Variants in NRXN1 observed in about 807,000 individuals in gnomAD.
The protein encoded by NRXN1 is neurexin 1, also known as neurexin-1.
In NRXN1, 39 loss-of-function variants were observed where a neutral mutation model predicts 150.9. The observed-to-expected ratio is 0.26, with a 90% CI of 0.20 to 0.34. The LOEUF (loss-of-function observed/expected upper bound fraction) is 0.34, where lower values mean the gene tolerates loss of function less well. NRXN1 is among the 10% of genes least tolerant of loss of function. NRXN1 has a pLI of 1.00. For missense variants in NRXN1, 1,815 were observed against 1,949.9 expected (o/e 0.93, Z 1.30); for synonymous variants, 924 against 757.0 (o/e 1.22, Z -3.62).
intron 8 of NRXN1, among the ~76,000 whole-genome samples, chr2:50,602,036 G>A (rs772754032): frequency 2.0e-5 from 3 of 152,114 alleles, no homozygotes; most frequent in Non-Finnish European, 4.4e-5. Context: ...GGTGAAACAT[G>A]TCCCTTCAGT....
chr2:50,053,748 A>G (rs1230961818), intron 20 of NRXN1, among the ~76,000 whole-genome samples, 158 bp from the exon 21 acceptor site: 1 of 152,216 alleles, frequency 6.6e-6, no homozygotes, highest in Non-Finnish European at 1.5e-5. Context: ...TGAGGTGTCC[A>G]TGAAATGCAT....
In NRXN1 at chr2:49,921,974, C is replaced by A; in HGVS notation, c.4494G>T (p.Lys1498Asn). ...PSSAKSSNKN[K>N]KNKDKEYYV ...CATAATACTCTTTATCCTTGTTTTT[C>A]TTATTTTTGTTGGAGCTTTTCGCAC... The change falls in exon 23 of 23, where the codon AAG (lysine) becomes AAT (asparagine). Residue 1498 changes from lysine (K) to asparagine (N), a missense_variant. Coordinates refer to ENST00000401669, the MANE Select transcript of NRXN1 (RefSeq NM_001330078.2). The A allele has an allele frequency of 6.2e-7, 1 of 1,613,952 alleles. No homozygotes were observed.
In NRXN1 at chr2:50,275,067, A is replaced by G. The variant is rs1351116335; in HGVS notation, c.3365-38097T>C. Among the ~76,000 whole-genome samples, 3 of 152,208 alleles carry G rather than the reference A, an allele frequency of 2.0e-5. No individual in the cohort carries two copies. In the East Asian group the frequency reaches 5.8e-4, roughly 29 times the overall value. Reference sequence around the variant, plus strand: ...ATAAAAACAGATACTTTAAACACCAAGAATATCATCACTCCATTTGTTCTG... The same window carrying G: ...ATAAAAACAGATACTTTAAACACCAGGAATATCATCACTCCATTTGTTCTG... On this transcript the variant is annotated intron_variant, in intron 17 of 22. Transcript: ENST00000401669.
chr2:50,070,943 C>T (rs1458830694), intron 19 of NRXN1, among the ~76,000 whole-genome samples: 2 of 152,126 alleles, frequency 1.3e-5, no homozygotes, highest in African/African-American at 2.4e-5. Flanking sequence ...TTCAGTATTT[C>T]TTCTTAAACT....
At chr2:50,378,746 T>G (rs1203950085) in intron 17 of NRXN1, among the ~76,000 whole-genome samples, 1 of 152,146 alleles carries the variant, frequency 6.6e-6, no homozygotes, top group African/African-American at 2.4e-5. Flanking sequence ...TAATGCAGTT[T>G]ATTCTGAAAA....
At chr2:50,976,144 C>T (rs1235865641) in intron 2 of NRXN1, among the ~76,000 whole-genome samples, 1 of 151,428 alleles carries the variant, frequency 6.6e-6, no homozygotes, top group African/African-American at 2.4e-5. Context: ...TCTCTATTCC[C>T]TTTAAGACAC....
chr2:49,978,764 C>CT (rs1679461921), intron 21 of NRXN1, among the ~76,000 whole-genome samples: 1 of 146,600 alleles, frequency 6.8e-6, no homozygotes, highest in African/African-American at 2.5e-5. Context: ...TTATTACAAA[C>CT]TCTATGGTGT....
At chr2:50,679,790 G>C (rs937773648) in intron 5 of NRXN1, among the ~76,000 whole-genome samples, 20 of 152,028 alleles carry the variant, frequency 1.3e-4, no homozygotes, top group African/African-American at 4.8e-4. Context: ...ATTCTTAAAG[G>C]TTTAATATCC....
chr2:49,972,866 G>A (rs1231579930), intron 21 of NRXN1: 1 of 152,038 alleles, frequency 6.6e-6, no homozygotes, highest in African/African-American at 2.4e-5. Context: ...CTTCCCTAAG[G>A]GCACCCTCCT....
chr2:50,068,893 C>T (rs374373039), intron 19 of NRXN1, among the ~76,000 whole-genome samples: 11 of 152,102 alleles, frequency 7.2e-5, no homozygotes, highest in South Asian at 2.1e-4. Flanking sequence ...AGTGATATCC[C>T]GAACGTAGGT....
chr2:50,928,064 A>G (rs1687176296), intron 2 of NRXN1, among the ~76,000 whole-genome samples: 1 of 151,942 alleles, frequency 6.6e-6, no homozygotes, highest in Non-Finnish European at 1.5e-5. Context: ...CTACTCTACC[A>G]TCTAGCATTT....
intron 2 of NRXN1, among the ~76,000 whole-genome samples, chr2:50,986,513 C>A (rs1222792038): frequency 6.6e-6 from 1 of 151,488 alleles, no homozygotes; most frequent in Non-Finnish European, 1.5e-5. Flanking sequence ...TTTGAAAACA[C>A]TGAATATTTC....
intron 8 of NRXN1, among the ~76,000 whole-genome samples, chr2:50,570,005 A>G (rs968480266): frequency 2.2e-4 from 33 of 152,324 alleles, no homozygotes; most frequent in African/African-American, 7.7e-4. Flanking sequence ...ACTGTTGCCA[A>G]TTAACGCTGC....
Position 50,399,675 on chromosome 2 carries a change from C to T in NRXN1, c.3364+65767G>A, listed in dbSNP as rs182277843. ...GTTCGTGTGGCTCTCACCACTAAGT[C>T]ATGTTGTCCAAATTGGTCTTTGTGC... On this transcript the variant is annotated intron_variant, in intron 17 of 22. Transcript: ENST00000401669. 3.7e-3 allele frequency among the ~76,000 whole-genome samples: 562 copies of T among 151,368 alleles called. 2 individuals carry two copies. Among genetic ancestry groups the T allele is most frequent in the Non-Finnish European group, 5.1e-3 (346 of 67,870 alleles).
chr2:50,240,470 T>C (rs769312529), intron 17 of NRXN1, among the ~76,000 whole-genome samples: 21 of 151,864 alleles, frequency 1.4e-4, no homozygotes, highest in Middle Eastern at 3.4e-3. Flanking sequence ...CAAAATCTCC[T>C]ATATTCTTAA....
chr2:50,992,793 G>A (rs1698731042), intron 2 of NRXN1, among the ~76,000 whole-genome samples: 1 of 151,860 alleles, frequency 6.6e-6, no homozygotes. Context: ...TGATGCATGG[G>A]GAGAGAATAG....
At chr2:50,763,454 C>T (rs1392440002) in intron 5 of NRXN1, among the ~76,000 whole-genome samples, 3 of 151,918 alleles carry the variant, frequency 2.0e-5, no homozygotes, top group African/African-American at 7.2e-5. Context: ...TAATTAATGC[C>T]TAATACTAGT....
chr2:50,029,209 G>A (rs994524101), intron 21 of NRXN1, among the ~76,000 whole-genome samples: 1 of 152,126 alleles, frequency 6.6e-6, no homozygotes, highest in African/African-American at 2.4e-5. Context: ...CAGGAAGCAG[G>A]CCCTCACCAG....
intron 5 of NRXN1, among the ~76,000 whole-genome samples, chr2:50,817,723 A>AATAC (rs1445124604): frequency 2.0e-5 from 3 of 152,118 alleles, no homozygotes; most frequent in Non-Finnish European, 4.4e-5. Context: ...AAATCAATGT[A>AATAC]ATACACCACA....
Sources: allele counts gnomAD v4.1 joint callset (sites outside exome capture counted in the v4.1 genomes callset), GRCh38; gene constraint gnomAD v4.1.1; transcripts MANE v1.5; gene names NCBI Gene and HGNC (gene_info 2026-07-23, HGNC 2026-07-21).